Variants in RAD51B observed in about 807,000 individuals in gnomAD.
RAD51B encodes the protein RAD51 paralog B, also known as DNA repair protein RAD51 homolog 2.
In RAD51B, 38 loss-of-function variants were observed where a neutral mutation model predicts 42.2. The ratio of observed to expected loss-of-function variants is 0.90; its 90% confidence interval spans 0.70 to 1.18. The LOEUF (loss-of-function observed/expected upper bound fraction) is 1.18. RAD51B is among the 50% of genes most tolerant of loss of function. RAD51B has a pLI of 0.00. For synonymous variants in RAD51B, 154 were observed against 145.2 expected (o/e 1.06, Z -0.43); for missense variants, 373 against 400.7 (o/e 0.93, Z 0.59).
At chr14:68,607,499 G>A (rs901889605) in intron 10 of RAD51B, among the ~76,000 whole-genome samples, 1 of 152,136 alleles carries the variant, frequency 6.6e-6, no homozygotes, top group Non-Finnish European at 1.5e-5. Flanking sequence ...TCCCTTGCCA[G>A]CCCAGGCCCG....
At chr14:68,229,946 C>T (rs1179537192) in intron 7 of RAD51B, among the ~76,000 whole-genome samples, 1 of 152,200 alleles carries the variant, frequency 6.6e-6, no homozygotes. Flanking sequence ...GGCTAGGCCA[C>T]CTTCCTCATT....
intron 7 of RAD51B, among the ~76,000 whole-genome samples, chr14:68,258,073 A>G (rs11628885): frequency 0.11 from 16,425 of 152,162 alleles, 1,173 homozygotes; most frequent in Middle Eastern, 0.3. Flanking sequence ...TCTAATGATG[A>G]GGTATCTGAG....
chr14:67,963,443 G>T (rs928230504), intron 7 of RAD51B, among the ~76,000 whole-genome samples: 1 of 152,022 alleles, frequency 6.6e-6, no homozygotes, highest in African/African-American at 2.4e-5. Context: ...TATATAATGA[G>T]AATATTTTAA....
At chr14:67,872,124 A>C (rs1337504035) in intron 5 of RAD51B, among the ~76,000 whole-genome samples, 2 of 150,916 alleles carry the variant, frequency 1.3e-5, no homozygotes, top group Non-Finnish European at 3.0e-5. Context: ...AGGGTATTCA[A>C]TTAGGAAAAG....
chr14:67,847,133 A>G (rs956624773), intron 4 of RAD51B, among the ~76,000 whole-genome samples: 2 of 151,982 alleles, frequency 1.3e-5, no homozygotes, highest in African/African-American at 4.8e-5. Flanking sequence ...TCAGCCCAGC[A>G]TCTATATCCT....
At chr14:67,830,050 A>G (rs1217069234) in intron 3 of RAD51B, among the ~76,000 whole-genome samples, 1 of 152,160 alleles carries the variant, frequency 6.6e-6, no homozygotes, top group Non-Finnish European at 1.5e-5. Context: ...GGTATAACAG[A>G]TGCAAAGGCC....
intron 10 of RAD51B, among the ~76,000 whole-genome samples, chr14:68,625,508 T>C (rs977264742): frequency 1.3e-5 from 2 of 152,328 alleles, no homozygotes; most frequent in East Asian, 3.9e-4. Flanking sequence ...GGTCTCACTC[T>C]GTTGCCCAGG....
chr14:68,137,594 A>G (rs967743689), intron 7 of RAD51B, among the ~76,000 whole-genome samples: 1 of 152,202 alleles, frequency 6.6e-6, no homozygotes, highest in Non-Finnish European at 1.5e-5. Flanking sequence ...TTTTGCCATT[A>G]TAAACAATAT....
At chr14:68,077,602 C>T (rs1339928039) in intron 7 of RAD51B, among the ~76,000 whole-genome samples, 1 of 152,206 alleles carries the variant, frequency 6.6e-6, no homozygotes, top group Non-Finnish European at 1.5e-5. Context: ...CCAATCCGTT[C>T]TCCCCAAACA....
rs146939583 is a variant in RAD51B, at chr14:68,397,270, C to T, written c.854-14154C>T. 3.4e-3 allele frequency among the ~76,000 whole-genome samples: 524 copies of T among 152,280 alleles called. 4 individuals carry two copies. The highest frequency in any genetic ancestry group is 5.8e-3 in the Non-Finnish European group (397 of 68,026). On this transcript the variant is annotated intron_variant, in intron 8 of 10. Coordinates refer to ENST00000471583, the MANE Select transcript of RAD51B (RefSeq NM_133510.4). Reference sequence around the variant, plus strand: ...TCATTTCTGGATAAGCATTGGCCTTCGAGGAAGAAGGAAATTGGTTTGCTT... The same window carrying T: ...TCATTTCTGGATAAGCATTGGCCTTTGAGGAAGAAGGAAATTGGTTTGCTT...
At chr14:68,283,118 A>T (rs1427127448) in intron 7 of RAD51B, among the ~76,000 whole-genome samples, 1 of 152,222 alleles carries the variant, frequency 6.6e-6, no homozygotes, top group Non-Finnish European at 1.5e-5. Flanking sequence ...TGAGGGACCG[A>T]TCACAAAGCT....
At chr14:68,384,761 A>G (rs2083557286) in intron 8 of RAD51B, among the ~76,000 whole-genome samples, 1 of 152,222 alleles carries the variant, frequency 6.6e-6, no homozygotes, top group Non-Finnish European at 1.5e-5. Flanking sequence ...CAATCGTTAT[A>G]TGGAATTATA....
At chr14:68,033,447 G>A (rs2208596) in intron 7 of RAD51B, among the ~76,000 whole-genome samples, 40,815 of 151,538 alleles carry the variant, frequency 0.27, 7,066 homozygotes, top group African/African-American at 0.49. Flanking sequence ...ATGCTTTTAA[G>A]TATAAAGTGT....
intron 7 of RAD51B, among the ~76,000 whole-genome samples, chr14:68,172,761 T>C (rs1440376125): frequency 6.6e-6 from 1 of 152,218 alleles, no homozygotes; most frequent in East Asian, 1.9e-4. Context: ...TGTGCTTGGC[T>C]GGGTAACTTT....
chr14:68,213,740 A>G (rs1304359083), intron 7 of RAD51B, among the ~76,000 whole-genome samples: 1 of 152,170 alleles, frequency 6.6e-6, no homozygotes, highest in Non-Finnish European at 1.5e-5. Context: ...TCTGTCATTA[A>G]GGGGGTCCTT....
At chr14:68,563,239 T>A (rs561882138) in intron 10 of RAD51B, 146 of 985,254 alleles carry the variant, frequency 1.5e-4, no homozygotes, top group Non-Finnish European at 1.7e-4. Context: ...GCCACATCAT[T>A]ACCTGCAGAG....
At chr14:68,334,233 A>G (rs968880335) in intron 8 of RAD51B, among the ~76,000 whole-genome samples, 3 of 152,126 alleles carry the variant, frequency 2.0e-5, no homozygotes, top group African/African-American at 7.2e-5. Flanking sequence ...TTATTAGCCT[A>G]CTGTTGATTG....
intron 8 of RAD51B, among the ~76,000 whole-genome samples, chr14:68,389,242 G>A (rs1047027102): frequency 3.3e-5 from 5 of 151,974 alleles, no homozygotes; most frequent in East Asian, 1.9e-4. Flanking sequence ...CATTAATAGC[G>A]CCCATGGAAG....
At chr14:67,981,995 G>A (rs543755937) in intron 7 of RAD51B, among the ~76,000 whole-genome samples, 1 of 152,260 alleles carries the variant, frequency 6.6e-6, no homozygotes, top group East Asian at 1.9e-4. Flanking sequence ...ATAATGCAGT[G>A]GCGCAGTCTA....
Sources: gnomAD v4.1 joint callset for allele counts (sites outside exome capture counted in the v4.1 genomes callset) on GRCh38, gnomAD v4.1.1 for gene constraint, MANE v1.5 for transcripts, NCBI Gene and HGNC (gene_info 2026-07-23, HGNC 2026-07-21) for gene names.